The following DMD variants were observed in gnomAD, a reference collection of about 807,000 sequenced individuals.
DMD encodes dystrophin, also known as mutant dystrophin.
Under a neutral mutation model 330.1 loss-of-function variants are expected in DMD, and 63 were observed. The ratio of observed to expected loss-of-function variants is 0.19; its 90% CI spans 0.16 to 0.24. The LOEUF (loss-of-function observed/expected upper bound fraction) is 0.24. DMD is among the 10% of genes least tolerant of loss of function. The pLI, the probability that DMD is intolerant of heterozygous loss-of-function variation, is 1.00. For missense variants in DMD, 3,344 were observed against 2,684.1 expected (o/e 1.25, Z -5.43); for synonymous variants, 1,223 against 959.8 (o/e 1.27, Z -5.07).
chrX:31,876,322 A>G (rs1293243149), intron 47 of DMD, among the ~76,000 whole-genome samples: 2 of 112,085 alleles, frequency 1.8e-5, no homozygotes, highest in African/African-American at 6.5e-5. Context: ...GAGTTAGGCC[A>G]CTTGGATTTC....
intron 16 of DMD, among the ~76,000 whole-genome samples, chrX:32,554,939 A>AAT (rs2050114926): frequency 3.6e-5 from 1 of 27,605 alleles, no homozygotes; most frequent in Non-Finnish European, 5.5e-5. Flanking sequence ...GAAAGAAAGA[A>AAT]AGAGAGAGAG....
At chrX:31,656,584 T>C (rs925916794) in intron 54 of DMD, among the ~76,000 whole-genome samples, 6 of 112,054 alleles carry the variant, frequency 5.4e-5, no homozygotes, top group Admixed American at 1.9e-4. Context: ...GAAGCAGATA[T>C]TTCCCACTAA....
chrX:31,471,528 T>G (rs768254037), intron 59 of DMD, among the ~76,000 whole-genome samples: 2 of 112,010 alleles, frequency 1.8e-5, no homozygotes, highest in African/African-American at 6.5e-5. Context: ...CAGTTGGAAA[T>G]GCAGAAATCA....
At position 31,474,737 on chromosome X, in the gene DMD, T is replaced by A. The variant is rs866205979; in HGVS notation, c.8937+3369A>T. 1.5e-3 allele frequency among the ~76,000 whole-genome samples: 153 copies of A among 101,811 alleles called. 1 individual carries two copies. Among genetic ancestry groups the A allele is most frequent in the Non-Finnish European group, 2.3e-3 (115 of 49,956 alleles). The allele number at this position is 101,811 out of a possible 115,157, so 88.4% of individuals were successfully genotyped here. ...AAAAATAAAATAAAATAAAATAAAA[T>A]AAAATAAAATAAAATAAAAAAAGAG... On this transcript the variant is annotated intron_variant, in intron 59 of 78. Transcript: ENST00000357033.
chrX:31,426,100 T>C (rs1339836667), intron 60 of DMD, among the ~76,000 whole-genome samples: 3 of 111,730 alleles, frequency 2.7e-5, no homozygotes, highest in African/African-American at 9.8e-5. Context: ...ATACTAAAGT[T>C]TGGGAACTGT....
chrX:31,564,980 T>G (rs1313522575), intron 55 of DMD, among the ~76,000 whole-genome samples: 3 of 112,480 alleles, frequency 2.7e-5, no homozygotes, highest in Non-Finnish European at 5.6e-5. Flanking sequence ...GTGCCTGTTT[T>G]CTCAACAGTA....
At chrX:32,388,633 ACT>A (rs1175027325) in intron 32 of DMD, among the ~76,000 whole-genome samples, 1 of 110,589 alleles carries the variant, frequency 9.0e-6, no homozygotes, top group Non-Finnish European at 1.9e-5. Context: ...TATCTGAAGG[ACT>A]CTGTTTTTCA....
intron 52 of DMD, among the ~76,000 whole-genome samples, chrX:31,699,900 T>A (rs2083688161): frequency 1.8e-5 from 2 of 111,433 alleles, no homozygotes; most frequent in Admixed American, 1.9e-4. Flanking sequence ...GATAAAATGT[T>A]CTCTCGGCTG....
chrX:33,264,696 T>C (rs1255326924), intron 1 of DMD, among the ~76,000 whole-genome samples: 1 of 71,135 alleles, frequency 1.4e-5, no homozygotes, highest in Non-Finnish European at 3.3e-5. Context: ...GGATATGTAT[T>C]TTAGTAAAGA....
At chrX:32,302,541 C>T (rs2097527175) in intron 42 of DMD, among the ~76,000 whole-genome samples, 1 of 111,081 alleles carries the variant, frequency 9.0e-6, no homozygotes, top group South Asian at 3.7e-4. Context: ...AGAATATTTG[C>T]CACATCTGGA....
chrX:33,131,691 CG>C (rs1569556033), intron 1 of DMD, among the ~76,000 whole-genome samples: 6 of 111,870 alleles, frequency 5.4e-5, no homozygotes, highest in African/African-American at 1.9e-4. Context: ...TTCATCGGTA[CG>C]ATAAGATATC....
At chrX:31,720,294 C>A (rs1321650994) in intron 52 of DMD, among the ~76,000 whole-genome samples, 1 of 112,167 alleles carries the variant, frequency 8.9e-6, no homozygotes, top group African/African-American at 3.2e-5. Flanking sequence ...ATAATCCCTA[C>A]AATTTTCTAT....
intron 2 of DMD, among the ~76,000 whole-genome samples, chrX:32,866,089 C>T (rs1389251530): frequency 4.5e-5 from 5 of 112,163 alleles, no homozygotes; most frequent in African/African-American, 6.5e-5. Flanking sequence ...CTGCATTTAC[C>T]GTAAGAGCAC....
At position 31,283,274 on chromosome X, in the gene DMD, ATGTT is replaced by A. The variant is rs771132552; in HGVS notation, c.9225-22262_9225-22259del. Reference sequence around the variant, plus strand: ...ATCCTGCATAAGAATGTGAATGGTTATGTTTGTTTGCGCAGATGGGGTTTATATT... The same window carrying A: ...ATCCTGCATAAGAATGTGAATGGTTATGTTTGCGCAGATGGGGTTTATATT... On this transcript the variant is annotated intron_variant, in intron 62 of 78. Transcript: ENST00000357033. 3.5e-3 allele frequency among the ~76,000 whole-genome samples: 389 copies of A among 111,541 alleles called. 1 individual carries two copies. The highest frequency in any genetic ancestry group is 5.2e-3 in the Non-Finnish European group (277 of 53,012).
chrX:33,272,672 A>AT (rs937655511), intron 1 of DMD, among the ~76,000 whole-genome samples: 3 of 109,280 alleles, frequency 2.7e-5, no homozygotes, highest in African/African-American at 1.0e-4. Flanking sequence ...ATGAAAAAAA[A>AT]AAAAAACACA....
At chrX:31,307,471 T>C (rs993295338) in intron 62 of DMD, among the ~76,000 whole-genome samples, 1 of 111,699 alleles carries the variant, frequency 9.0e-6, no homozygotes, top group East Asian at 2.8e-4. Flanking sequence ...TACTCTATAG[T>C]GCTTTCAGTA....
At chrX:32,892,447 G>A (rs1230980915) in intron 2 of DMD, among the ~76,000 whole-genome samples, 3 of 111,936 alleles carry the variant, frequency 2.7e-5, no homozygotes, top group East Asian at 2.8e-4. Context: ...AGGCTGGAGC[G>A]CAACGGTGCG....
At chrX:31,505,695 G>T (rs2070871032) in intron 56 of DMD, among the ~76,000 whole-genome samples, 2 of 110,593 alleles carry the variant, frequency 1.8e-5, no homozygotes, top group African/African-American at 6.6e-5. Flanking sequence ...GTGAAGTGGT[G>T]CGATCTCGGC....
chrX:32,900,753 G>T (rs960304960), intron 2 of DMD, among the ~76,000 whole-genome samples: 15 of 111,422 alleles, frequency 1.3e-4, no homozygotes, highest in Non-Finnish European at 2.4e-4. Context: ...TGAAAAAAAA[G>T]GAATTTTCGT....
Sources: allele counts gnomAD v4.1 joint callset (sites outside exome capture counted in the v4.1 genomes callset), GRCh38; gene constraint gnomAD v4.1.1; transcripts MANE v1.5; gene names NCBI Gene and HGNC (gene_info 2026-07-23, HGNC 2026-07-21).